The following CNTNAP2 variants were observed in gnomAD, a reference collection of about 807,000 sequenced individuals.
CNTNAP2 encodes contactin associated protein 2, also known as contactin-associated protein-like 2.
CNTNAP2 carries 98 observed loss-of-function variants against 155.2 expected under a neutral mutation model. The ratio of observed to expected loss-of-function variants is 0.63; its 90% CI spans 0.54 to 0.75. The LOEUF is 0.75. Ranked by LOEUF, CNTNAP2 falls within the 30% of genes least tolerant of loss-of-function variation. CNTNAP2 has a pLI of 0.00. For synonymous variants in CNTNAP2, 651 were observed against 631.2 expected (o/e 1.03, Z -0.47); for missense variants, 1,727 against 1,688.1 (o/e 1.02, Z -0.40).
intron 8 of CNTNAP2, among the ~76,000 whole-genome samples, chr7:147,294,799 C>T (rs1471492028): frequency 6.6e-6 from 1 of 151,974 alleles, no homozygotes; most frequent in Non-Finnish European, 1.5e-5. Flanking sequence ...GCTGGGATTA[C>T]AAGTGCCCAC....
At chr7:147,837,495 C>T (rs1798653003) in intron 13 of CNTNAP2, among the ~76,000 whole-genome samples, 1 of 152,014 alleles carries the variant, frequency 6.6e-6, no homozygotes, top group Non-Finnish European at 1.5e-5. Flanking sequence ...ATCTCTTGTC[C>T]TCTCATTTCA....
chr7:147,829,986 G>GC (rs1254115130), intron 13 of CNTNAP2, among the ~76,000 whole-genome samples: 1 of 151,820 alleles, frequency 6.6e-6, no homozygotes, highest in Non-Finnish European at 1.5e-5. Context: ...TCCTGGAGCT[G>GC]CCTTGCTCCA....
chr7:147,987,308 C>A (rs1206074132), intron 15 of CNTNAP2, among the ~76,000 whole-genome samples: 1 of 152,236 alleles, frequency 6.6e-6, no homozygotes, highest in Non-Finnish European at 1.5e-5. Flanking sequence ...CTCAGTTACT[C>A]AACTTCAGCT....
chr7:146,815,496 G>A (rs779740217), intron 2 of CNTNAP2, among the ~76,000 whole-genome samples: 22 of 151,972 alleles, frequency 1.4e-4, no homozygotes, highest in Non-Finnish European at 1.9e-4. Context: ...AATTGTGTGT[G>A]TGTCTATATA....
intron 8 of CNTNAP2, among the ~76,000 whole-genome samples, chr7:147,236,074 A>AC (rs921298805): frequency 2.0e-5 from 3 of 151,912 alleles, no homozygotes; most frequent in African/African-American, 7.3e-5. Context: ...TATATACTTA[A>AC]CCCCCAGTTA....
intron 12 of CNTNAP2, among the ~76,000 whole-genome samples, chr7:147,579,804 C>A (rs193147539): frequency 1.4e-3 from 212 of 152,166 alleles, no homozygotes; most frequent in African/African-American, 4.9e-3. Flanking sequence ...TATCATAATG[C>A]AATATCATAT....
intron 1 of CNTNAP2, among the ~76,000 whole-genome samples, chr7:146,169,966 CT>C (rs1798365275): frequency 6.6e-6 from 1 of 150,790 alleles, no homozygotes; most frequent in African/African-American, 2.4e-5. Context: ...TTTCATTTGC[CT>C]TGGATATATA....
At chr7:146,464,616 A>G (rs1584937751) in intron 1 of CNTNAP2, among the ~76,000 whole-genome samples, 1 of 151,854 alleles carries the variant, frequency 6.6e-6, no homozygotes, top group African/African-American at 2.4e-5. Flanking sequence ...TCCTCCTCCA[A>G]TTCCACAGCT....
At chr7:146,177,677 A>G (rs1221110404) in intron 1 of CNTNAP2, among the ~76,000 whole-genome samples, 1 of 152,204 alleles carries the variant, frequency 6.6e-6, no homozygotes, top group East Asian at 1.9e-4. Context: ...TGACTTCCCA[A>G]TGTCTTCTGA....
At chr7:147,047,838 C>T (rs2129257296) in intron 4 of CNTNAP2, among the ~76,000 whole-genome samples, 1 of 152,196 alleles carries the variant, frequency 6.6e-6, no homozygotes, top group East Asian at 1.9e-4. Flanking sequence ...CTGTATAAGT[C>T]CCTTTGGGGG....
chr7:146,385,144 A>AT lies in CNTNAP2; in HGVS notation c.97+268180dup, dbSNP rs551575570. On this transcript the variant is annotated intron_variant, in intron 1 of 23. Coordinates refer to ENST00000361727, the MANE Select transcript of CNTNAP2 (RefSeq NM_014141.6). ...CCATTGTATGAAATCACCATATTCCATTTTTTTTTCTACCACTAGGTTTCC... is the reference window on the plus strand; with the variant it reads ...CCATTGTATGAAATCACCATATTCCATTTTTTTTTTCTACCACTAGGTTTCC... Among the ~76,000 whole-genome samples, 335 of 150,894 alleles carry AT rather than the reference A, an allele frequency of 2.2e-3. 3 individuals are homozygous for AT. The highest frequency in any genetic ancestry group is 7.8e-3 in the African/African-American group (321 of 41,142).
At chr7:147,108,820 G>A (rs1205705461) in intron 5 of CNTNAP2, among the ~76,000 whole-genome samples, 1 of 152,106 alleles carries the variant, frequency 6.6e-6, no homozygotes, top group East Asian at 1.9e-4. Context: ...GCTCTGGGGA[G>A]AAAATATTTA....
chr7:147,307,066 G>A (rs544723288), intron 9 of CNTNAP2, among the ~76,000 whole-genome samples: 1 of 152,052 alleles, frequency 6.6e-6, no homozygotes, highest in African/African-American at 2.4e-5. Context: ...AATTTTGTAC[G>A]ATGGGCATCT....
intron 11 of CNTNAP2, among the ~76,000 whole-genome samples, chr7:147,540,774 T>C (rs1421126756): frequency 2.0e-5 from 3 of 151,578 alleles, no homozygotes; most frequent in African/African-American, 7.3e-5. Flanking sequence ...GAGGTCGCAA[T>C]GAGCCGAGAT....
At chr7:147,092,280 C>G (rs79649431) in intron 4 of CNTNAP2, among the ~76,000 whole-genome samples, 3,667 of 152,274 alleles carry the variant, frequency 0.024, 75 homozygotes, top group African/African-American at 0.053. Flanking sequence ...TGTGATATAT[C>G]TGTCCTTATA....
chr7:147,669,857 C>T (rs1383673948), intron 13 of CNTNAP2, among the ~76,000 whole-genome samples: 1 of 152,140 alleles, frequency 6.6e-6, no homozygotes, highest in African/African-American at 2.4e-5. Flanking sequence ...CTACCATAAA[C>T]TAAATTATGT....
At chr7:147,326,300 T>C (rs935920838) in intron 9 of CNTNAP2, among the ~76,000 whole-genome samples, 11 of 152,222 alleles carry the variant, frequency 7.2e-5, no homozygotes, top group Non-Finnish European at 5.9e-5. Flanking sequence ...ATAATGTTTG[T>C]TCTTTTGTGC....
intron 4 of CNTNAP2, among the ~76,000 whole-genome samples, chr7:147,050,424 G>A (rs1230407412): frequency 6.6e-6 from 1 of 152,080 alleles, no homozygotes; most frequent in Admixed American, 6.5e-5. Flanking sequence ...TACACACATC[G>A]AAACTAATTT....
chr7:146,512,174 CT>C (rs538817100), intron 1 of CNTNAP2, among the ~76,000 whole-genome samples: 1 of 151,598 alleles, frequency 6.6e-6, no homozygotes, highest in African/African-American at 2.4e-5. Context: ...TTTAGGTCTT[CT>C]TTTTTTTCTT....
Sources: gnomAD v4.1 joint callset for allele counts (sites outside exome capture counted in the v4.1 genomes callset) on GRCh38, gnomAD v4.1.1 for gene constraint, MANE v1.5 for transcripts, NCBI Gene and HGNC (gene_info 2026-07-23, HGNC 2026-07-21) for gene names.